Variants in CDK14 observed in about 807,000 individuals in gnomAD.
The protein encoded by CDK14 is cyclin dependent kinase 14.
CDK14 carries 34 observed loss-of-function variants against 60.7 expected under a neutral mutation model. That is an observed-to-expected ratio of 0.56 (90% CI 0.43 to 0.75). The LOEUF (loss-of-function observed/expected upper bound fraction) is 0.75, where lower values mean the gene tolerates loss of function less well. Ranked by LOEUF, CDK14 falls within the 30% of genes least tolerant of loss-of-function variation. The pLI, the probability that CDK14 is intolerant of heterozygous loss-of-function variation, is 0.00. For synonymous variants in CDK14, 197 were observed against 203.7 expected (o/e 0.97, Z 0.28); for missense variants, 482 against 564.1 (o/e 0.85, Z 1.47).
intron 11 of CDK14, among the ~76,000 whole-genome samples, chr7:91,059,529 C>T (rs1255000547): frequency 2.6e-5 from 4 of 152,030 alleles, no homozygotes; most frequent in Non-Finnish European, 4.4e-5. Context: ...CCTACTTTCT[C>T]TTGTGGGCAT....
intron 6 of CDK14, among the ~76,000 whole-genome samples, chr7:90,889,354 T>G (rs981406025): frequency 4.6e-5 from 7 of 152,216 alleles, no homozygotes; most frequent in African/African-American, 1.7e-4. Flanking sequence ...GTAAGTTTTT[T>G]GTTTTAATGG....
intron 4 of CDK14, among the ~76,000 whole-genome samples, chr7:90,787,898 A>C (rs1168083036): frequency 2.0e-5 from 3 of 152,168 alleles, no homozygotes; most frequent in Non-Finnish European, 4.4e-5. Context: ...CTATGAAAAT[A>C]ATACAAATTA....
intron 14 of CDK14, among the ~76,000 whole-genome samples, chr7:91,149,723 T>G (rs1346098125): frequency 3.9e-5 from 6 of 152,236 alleles, no homozygotes; most frequent in Non-Finnish European, 8.8e-5. Flanking sequence ...TAGCTAGCTC[T>G]AAACTGTTTT....
chr7:90,928,907 C>T (rs1006169364), intron 8 of CDK14, among the ~76,000 whole-genome samples: 8 of 152,166 alleles, frequency 5.3e-5, no homozygotes, highest in African/African-American at 1.9e-4. Flanking sequence ...TTTACCTACT[C>T]AAGCCTCAGC....
chr7:90,875,975 A>G (rs1000326215), intron 6 of CDK14, among the ~76,000 whole-genome samples: 55 of 152,174 alleles, frequency 3.6e-4, no homozygotes, highest in African/African-American at 1.3e-3. Context: ...TATTAATAAT[A>G]GCCTTTGTGA....
chr7:90,625,408 G>C (rs1012537232), intron 2 of CDK14, among the ~76,000 whole-genome samples: 2 of 152,166 alleles, frequency 1.3e-5, no homozygotes, highest in Non-Finnish European at 2.9e-5. Context: ...CTTTCAGTTG[G>C]TTAGTTTCTT....
At chr7:90,597,702 A>G (rs1306951137) in intron 1 of CDK14, among the ~76,000 whole-genome samples, 2 of 152,246 alleles carry the variant, frequency 1.3e-5, no homozygotes, top group Non-Finnish European at 2.9e-5. Flanking sequence ...AATTAAACAT[A>G]AAGGTACTTA....
At chr7:90,730,517 G>A (rs1190066251) in intron 3 of CDK14, among the ~76,000 whole-genome samples, 5 of 152,182 alleles carry the variant, frequency 3.3e-5, no homozygotes, top group African/African-American at 1.2e-4. Context: ...TCCAGCATCT[G>A]TTGTTTCCTG....
chr7:90,637,892 C>T (rs888965863), intron 2 of CDK14, among the ~76,000 whole-genome samples: 4 of 149,974 alleles, frequency 2.7e-5, no homozygotes, highest in African/African-American at 7.4e-5. Context: ...TATGTAATGG[C>T]CTTCTTTGTC....
intron 10 of CDK14, among the ~76,000 whole-genome samples, chr7:91,040,592 C>A (rs1797061172): frequency 6.6e-6 from 1 of 152,224 alleles, no homozygotes; most frequent in East Asian, 1.9e-4. Context: ...CCACTGTAGT[C>A]CTGCCCCTAA....
chr7:91,099,331 T>A (rs543647241), intron 12 of CDK14, among the ~76,000 whole-genome samples: 1 of 152,166 alleles, frequency 6.6e-6, no homozygotes, highest in South Asian at 2.1e-4. Context: ...AATTTTTACA[T>A]AGACTGAATT....
chr7:91,072,083 C>T (rs1403172592), intron 11 of CDK14, among the ~76,000 whole-genome samples: 2 of 152,210 alleles, frequency 1.3e-5, no homozygotes, highest in Non-Finnish European at 2.9e-5. Flanking sequence ...TTAGTCTTTC[C>T]TCCTGCTAGT....
At chr7:90,678,539 G>T (rs768181853) in intron 2 of CDK14, among the ~76,000 whole-genome samples, 1 of 152,164 alleles carries the variant, frequency 6.6e-6, no homozygotes, top group Non-Finnish European at 1.5e-5. Context: ...GAACTGAAAG[G>T]TGTGATGAAT....
At chr7:91,182,262 G>A (rs1802026458) in intron 14 of CDK14, among the ~76,000 whole-genome samples, 1 of 151,922 alleles carries the variant, frequency 6.6e-6, no homozygotes, top group Non-Finnish European at 1.5e-5. Context: ...GTATTCCAAT[G>A]AGAAATATAC....
chr7:90,708,958 A>G (rs1306358149), intron 2 of CDK14, among the ~76,000 whole-genome samples: 2 of 152,144 alleles, frequency 1.3e-5, no homozygotes, highest in African/African-American at 2.4e-5. Flanking sequence ...TGAGAGTAGC[A>G]GTCTGGCATC....
chr7:90,895,349 T>TCCTCG lies in CDK14; in HGVS notation c.640-3938_640-3937insGCCTC, dbSNP rs1562817492. Among the ~76,000 whole-genome samples, 2 of 88,662 alleles carry TCCTCG rather than the reference T, an allele frequency of 2.3e-5. 1 individual carries two copies. Among genetic ancestry groups the TCCTCG allele is most frequent in the Non-Finnish European group, 4.7e-5 (2 of 42,620 alleles). 58.2% of individuals were successfully genotyped at this position (88,662 alleles called of 152,430 possible). ...TCCTTTCCTCTCCTCTCCTCTCCTC[T>TCCTCG]CCTCTCCTCACCTCTCCTCCCCTCC... On this transcript the variant is annotated intron_variant, in intron 6 of 14. Transcript: ENST00000380050.
chr7:91,088,165 T>C (rs1383339906), intron 12 of CDK14, among the ~76,000 whole-genome samples: 1 of 152,188 alleles, frequency 6.6e-6, no homozygotes, highest in Non-Finnish European at 1.5e-5. Context: ...TTACAGCATT[T>C]AAAGGGGGAA....
chr7:90,941,665 G>A (rs1014118340), intron 8 of CDK14, among the ~76,000 whole-genome samples: 1 of 151,742 alleles, frequency 6.6e-6, no homozygotes, highest in African/African-American at 2.4e-5. Context: ...TGTTGCCCAG[G>A]CTGGACTCAA....
intron 5 of CDK14, among the ~76,000 whole-genome samples, chr7:90,794,509 C>T (rs2116980336): frequency 6.6e-6 from 1 of 152,278 alleles, no homozygotes; most frequent in Non-Finnish European, 1.5e-5. Flanking sequence ...TTCTCTTTCT[C>T]AGGGATGTTC....
Sources: allele counts gnomAD v4.1 joint callset (sites outside exome capture counted in the v4.1 genomes callset), GRCh38; gene constraint gnomAD v4.1.1; transcripts MANE v1.5; gene names NCBI Gene and HGNC (gene_info 2026-07-23, HGNC 2026-07-21).